Variants in ARHGAP42 observed in about 807,000 individuals in gnomAD.
ARHGAP42 encodes the protein Rho GTPase activating protein 42, also known as rho GTPase-activating protein 42.
In ARHGAP42, 63 loss-of-function variants were observed where a neutral mutation model predicts 125.0. That is an observed-to-expected ratio of 0.50 (90% CI 0.41 to 0.62). The LOEUF (loss-of-function observed/expected upper bound fraction) is 0.62. ARHGAP42 is among the 20% of genes least tolerant of loss of function. The pLI, the probability that ARHGAP42 is intolerant of heterozygous loss-of-function variation, is 0.00. For missense variants in ARHGAP42, 766 were observed against 1,024.2 expected (o/e 0.75, Z 3.44); for synonymous variants, 339 against 351.0 (o/e 0.97, Z 0.38).
At chr11:100,808,113 A>G (rs943769270) in intron 3 of ARHGAP42, among the ~76,000 whole-genome samples, 1 of 152,248 alleles carries the variant, frequency 6.6e-6, no homozygotes, top group Non-Finnish European at 1.5e-5. Context: ...CAAAATACCT[A>G]TAAAAGATAT....
intron 1 of ARHGAP42, among the ~76,000 whole-genome samples, chr11:100,730,800 T>C (rs1339201057): frequency 6.6e-6 from 1 of 152,260 alleles, no homozygotes; most frequent in Non-Finnish European, 1.5e-5. Flanking sequence ...ACTGCACACC[T>C]AGGCTATATG....
intron 1 of ARHGAP42, among the ~76,000 whole-genome samples, chr11:100,693,183 A>G (rs1861219679): frequency 6.8e-6 from 1 of 147,578 alleles, no homozygotes; most frequent in Non-Finnish European, 1.5e-5. Flanking sequence ...TTTGAAGTGG[A>G]ACTCATCGCA....
intron 1 of ARHGAP42, among the ~76,000 whole-genome samples, chr11:100,707,901 A>G (rs947724381): frequency 2.0e-5 from 3 of 152,166 alleles, no homozygotes; most frequent in Non-Finnish European, 4.4e-5. Flanking sequence ...TGTGTGTTCC[A>G]TAGACTGATT....
At chr11:100,962,027 G>A (rs1857968274) in intron 15 of ARHGAP42, among the ~76,000 whole-genome samples, 1 of 152,082 alleles carries the variant, frequency 6.6e-6, no homozygotes, top group South Asian at 2.1e-4. Context: ...TATGTATATG[G>A]GATTTTTATG....
intron 1 of ARHGAP42, among the ~76,000 whole-genome samples, chr11:100,727,531 C>T (rs1275209470): frequency 2.0e-5 from 3 of 152,166 alleles, no homozygotes; most frequent in Admixed American, 2.0e-4. Flanking sequence ...GCTCCACCCC[C>T]ACCCTCTGGG....
rs1481601757 is a variant in ARHGAP42 at position 100,859,463 on chromosome 11, C to A, written c.313-91C>A. ...AGATGCAAACAAAAACAAAAACAGT[C>A]TATTTGATACATTGGATAAAGTAGC... On this transcript the variant is annotated intron_variant, in intron 3 of 23. Transcript: ENST00000298815. 7 of 1,046,308 alleles carry A rather than the reference C, an allele frequency of 6.7e-6. No homozygotes were observed. The East Asian group carries it at 2.0e-4, about 30-fold the overall frequency. 64.8% of individuals were successfully genotyped at this position (1,046,308 alleles called of 1,614,324 possible).
At chr11:100,819,058 AG>A (rs1186895086) in intron 3 of ARHGAP42, among the ~76,000 whole-genome samples, 1 of 152,166 alleles carries the variant, frequency 6.6e-6, no homozygotes, top group Non-Finnish European at 1.5e-5. Context: ...AACTTTAATG[AG>A]TATTTTTGGG....
intron 3 of ARHGAP42, among the ~76,000 whole-genome samples, chr11:100,841,699 G>A (rs569753728): frequency 2.0e-5 from 3 of 151,960 alleles, no homozygotes; most frequent in East Asian, 1.9e-4. Context: ...TATGTCTTAC[G>A]GCATTGGCAC....
intron 8 of ARHGAP42, among the ~76,000 whole-genome samples, chr11:100,937,383 G>T (rs1209613897): frequency 2.0e-5 from 3 of 151,962 alleles, no homozygotes; most frequent in Non-Finnish European, 4.4e-5. Flanking sequence ...TGTCAGTAGG[G>T]TATATAGATT....
At chr11:100,950,103 TC>T in intron 12 of ARHGAP42, 147 bp downstream of exon 12, 2 of 397,434 alleles carry the variant, frequency 5.0e-6, no homozygotes, top group Non-Finnish European at 8.6e-6. Context: ...TTAAAATGTT[TC>T]TCATGTTAAA....
At position 100,987,501 on chromosome 11, in the gene ARHGAP42, T is replaced by C; in HGVS notation, c.2457-12T>C. On this transcript the variant is annotated splice_polypyrimidine_tract_variant and intron_variant, in intron 22 of 23. Coordinates refer to ENST00000298815, the MANE Select transcript of ARHGAP42 (RefSeq NM_152432.4). ...AGTGTTGAGGTTTTGACAAGTTGTC[T>C]TGCTCTTTCAGCCAAGCCAAAGCCA... is the stretch of plus-strand genomic sequence containing the variant. The C allele has an allele frequency of 6.4e-7, 1 of 1,551,288 alleles. No homozygotes were observed. Among genetic ancestry groups the C allele is most frequent in the South Asian group, 1.2e-5 (1 of 84,040 alleles).
At chr11:100,738,871 A>G (rs528315771) in intron 1 of ARHGAP42, among the ~76,000 whole-genome samples, 1 of 152,238 alleles carries the variant, frequency 6.6e-6, no homozygotes, top group Non-Finnish European at 1.5e-5. Flanking sequence ...GCCAAGGTCA[A>G]TGCTCCATAT....
chr11:100,748,007 A>C (rs2120352389), intron 1 of ARHGAP42, among the ~76,000 whole-genome samples: 1 of 142,358 alleles, frequency 7.0e-6, no homozygotes, highest in African/African-American at 2.5e-5. Context: ...CTCAAAGATG[A>C]TAACCATTCT....
chr11:100,708,357 T>C (rs944931061), intron 1 of ARHGAP42, among the ~76,000 whole-genome samples: 1 of 151,994 alleles, frequency 6.6e-6, no homozygotes, highest in Non-Finnish European at 1.5e-5. Context: ...ACAAAAAATA[T>C]AATAAATTAG....
At chr11:100,759,546 T>C (rs1166853841) in intron 1 of ARHGAP42, among the ~76,000 whole-genome samples, 1 of 152,126 alleles carries the variant, frequency 6.6e-6, no homozygotes, top group Non-Finnish European at 1.5e-5. Context: ...GGGAGAGTTA[T>C]AAGATTTAGA....
chr11:100,930,231 A>C (rs1210437139), intron 6 of ARHGAP42, among the ~76,000 whole-genome samples: 2 of 152,218 alleles, frequency 1.3e-5, no homozygotes, highest in African/African-American at 2.4e-5. Flanking sequence ...TTCACCAAAG[A>C]AAATGATATG....
intron 16 of ARHGAP42, 119 bp downstream of exon 16, chr11:100,962,586 G>A (rs1394104262): frequency 1.1e-6 from 1 of 936,124 alleles, no homozygotes. Context: ...TTAAAAAGTT[G>A]TTAATCTGGG....
In ARHGAP42 at chr11:100,918,495, C is replaced by G. The variant is rs543843410; in HGVS notation, c.487-2999C>G. Reference sequence around the variant, plus strand: ...TGTTCTGGCCTAATTATTACTAGTGCTCTCTTTCAGTTTTAAAATTATCTC... The same window carrying G: ...TGTTCTGGCCTAATTATTACTAGTGGTCTCTTTCAGTTTTAAAATTATCTC... On this transcript the variant is annotated intron_variant, in intron 5 of 23. Transcript: ENST00000298815. Among the ~76,000 whole-genome samples the G allele has an allele frequency of 2.6e-5, 4 of 152,294 alleles. No individual in the cohort carries two copies. The East Asian group carries it at 7.7e-4, about 29-fold the overall frequency.
chr11:100,992,999 A>G lies in ARHGAP42; in HGVS notation c.*4198A>G. ...CTGTGTGCTTACTGAAGAGTCCCAA[A>G]AACCAGAGACCATTTTCATTTACTG... On this transcript the variant is annotated 3_prime_UTR_variant, in exon 24 of 24. Coordinates refer to ENST00000298815, the MANE Select transcript of ARHGAP42 (RefSeq NM_152432.4). 1 of 300,290 alleles carries G rather than the reference A, an allele frequency of 3.3e-6. No homozygotes were observed. The highest frequency in any genetic ancestry group is 6.5e-6 in the Non-Finnish European group (1 of 153,686). 18.6% of individuals were successfully genotyped at this position (300,290 alleles called of 1,614,324 possible).
Sources: allele counts gnomAD v4.1 joint callset (sites outside exome capture counted in the v4.1 genomes callset), GRCh38; gene constraint gnomAD v4.1.1; transcripts MANE v1.5; gene names NCBI Gene and HGNC (gene_info 2026-07-23, HGNC 2026-07-21).